SERPINB2: variants seen among roughly 807,000 people sequenced by gnomAD.
The protein encoded by SERPINB2 is plasminogen activator inhibitor 2.
SERPINB2 carries 28 observed loss-of-function variants against 39.4 expected under a neutral mutation model. The observed-to-expected ratio is 0.71, with a 90% confidence interval of 0.53 to 0.97. The LOEUF (loss-of-function observed/expected upper bound fraction) is 0.97. Among genes scored for constraint, SERPINB2 ranks in the 50% least tolerant of loss-of-function variants. The probability of loss-of-function intolerance (pLI) is 0.00; values close to 1 mark genes in which losing one functional copy is unlikely to be tolerated. For missense variants in SERPINB2, 557 were observed against 505.3 expected (o/e 1.10, Z -0.98); for synonymous variants, 209 against 175.1 (o/e 1.19, Z -1.53).
chr18:63,891,379 C>A, intron 1 of SERPINB2, 57 bp from the exon 2 acceptor site: 1 of 1,583,406 alleles, frequency 6.3e-7, no homozygotes, highest in Non-Finnish European at 8.6e-7. Context: ...GCTGACCTCA[C>A]CCAAAATGTT....
chr18:63,891,334 C>A, intron 1 of SERPINB2, 102 bp from the exon 2 acceptor site: 1 of 1,159,822 alleles, frequency 8.6e-7, no homozygotes, highest in Non-Finnish European at 1.2e-6. Flanking sequence ...GACAGGGAAT[C>A]TGTCCCTACA....
At chr18:63,891,722 T>A (rs2049927856) in intron 2 of SERPINB2, 110 bp downstream of exon 2, 4 of 1,070,422 alleles carry the variant, frequency 3.7e-6, no homozygotes, top group Non-Finnish European at 5.3e-6. Flanking sequence ...TCAGCAATCA[T>A]CACAGGTAAT....
intron 5 of SERPINB2, among the ~76,000 whole-genome samples, chr18:63,899,362 T>A (rs148797031): frequency 1.9e-3 from 295 of 152,326 alleles, no homozygotes; most frequent in Non-Finnish European, 3.2e-3. Context: ...GTCACACTTA[T>A]CCTATGCCCC....
At chr18:63,889,114 G>GTAAT (rs2049909531) in intron 1 of SERPINB2, among the ~76,000 whole-genome samples, 1 of 152,128 alleles carries the variant, frequency 6.6e-6, no homozygotes, top group South Asian at 2.1e-4. Context: ...GACCAGCTGT[G>GTAAT]CAATCTCTAT....
At position 63,903,785 on chromosome 18, in the gene SERPINB2, AAT is replaced by A. The variant is rs2050009910; in HGVS notation, c.*485_*486del. 6.6e-6 allele frequency: 1 copy of A among 152,250 alleles called. No homozygotes were observed. Among genetic ancestry groups the A allele is most frequent in the Non-Finnish European group, 1.5e-5 (1 of 68,082 alleles). 9.4% of individuals were successfully genotyped at this position (152,250 alleles called of 1,614,324 possible). Reference sequence around the variant, plus strand: ...TGGAAAAAACATTAAACAATAGGCAAATATATGTTATGTGCATTTCTAGAAAT... The same window carrying A: ...TGGAAAAAACATTAAACAATAGGCAAATATGTTATGTGCATTTCTAGAAAT... On this transcript the variant is annotated 3_prime_UTR_variant, in exon 8 of 8. Transcript: ENST00000299502.
chr18:63,895,531 C>A, intron 3 of SERPINB2, 148 bp downstream of exon 3: 1 of 1,045,586 alleles, frequency 9.6e-7, no homozygotes, highest in Non-Finnish European at 1.4e-6. Context: ...TTAAGAAAAA[C>A]ATGTCCTAAG....
In SERPINB2 at chr18:63,894,366, C is replaced by T. The variant is rs1016235790; in HGVS notation, c.169-898C>T. Among the ~76,000 whole-genome samples, 6 of 152,316 alleles carry T rather than the reference C, an allele frequency of 3.9e-5. No individual in the cohort carries two copies. The East Asian group carries it at 1.2e-3, about 29-fold the overall frequency. ...AGACCTCACAAACCCTAACACCTCTCCTTCTAGCCCAGAAATTCACCAACT... is the reference window on the plus strand; with the variant it reads ...AGACCTCACAAACCCTAACACCTCTTCTTCTAGCCCAGAAATTCACCAACT... On this transcript the variant is annotated intron_variant, in intron 2 of 7. Transcript: ENST00000299502.
chr18:63,895,461 T>G (rs73964520), intron 3 of SERPINB2, 78 bp downstream of exon 3: 2 of 1,577,508 alleles, frequency 1.3e-6, no homozygotes, highest in African/African-American at 2.7e-5. Flanking sequence ...AGTGTCAGAC[T>G]GGGAAGGAAG....
chr18:63,903,399 C>T lies in SERPINB2; in HGVS notation c.*94C>T, dbSNP rs2054222575. ...ATTGCCAAAAATTTAGAGATGTTTT[C>T]TACATATTTCTGCTCTTCTGAACAA... On this transcript the variant is annotated 3_prime_UTR_variant, in exon 8 of 8. Coordinates refer to ENST00000299502, the MANE Select transcript of SERPINB2 (RefSeq NM_002575.3). 2 of 1,257,676 alleles carry T rather than the reference C, an allele frequency of 1.6e-6. No homozygotes were observed. The highest frequency in any genetic ancestry group is 2.8e-5 in the Admixed American group (1 of 35,772). The allele number at this position is 1,257,676 out of a possible 1,614,324, so 77.9% of individuals were successfully genotyped here.
At chr18:63,890,896 A>G (rs1169497865) in intron 1 of SERPINB2, 1 of 152,778 alleles carries the variant, frequency 6.5e-6, no homozygotes, top group African/African-American at 2.4e-5. Context: ...ACCAGATGCA[A>G]CAAGGTATGT....
In SERPINB2 at chr18:63,891,717, A is replaced by C. The variant is rs563929789; in HGVS notation, c.168+105A>C. 6 of 1,126,252 alleles carry C rather than the reference A, an allele frequency of 5.3e-6. No homozygotes were observed. The South Asian group carries it at 8.0e-5, about 15-fold the overall frequency. The allele number at this position is 1,126,252 out of a possible 1,614,324, so 69.8% of individuals were successfully genotyped here. On this transcript the variant is annotated intron_variant, in intron 2 of 7. Transcript: ENST00000299502. ...AGACATTTTAACTCAGGAGGTCAGC[A>C]ATCATCACAGGTAATGAAGCACTGA...
intron 2 of SERPINB2, among the ~76,000 whole-genome samples, chr18:63,893,269 T>C (rs914229211): frequency 1.3e-5 from 2 of 152,174 alleles, no homozygotes; most frequent in Admixed American, 1.3e-4. Flanking sequence ...TCAGTAGCAA[T>C]ATATTTTGGG....
intron 1 of SERPINB2, among the ~76,000 whole-genome samples, chr18:63,888,829 T>C (rs2049908231): frequency 6.6e-6 from 1 of 152,206 alleles, no homozygotes. Flanking sequence ...TGAGATCATA[T>C]AAATTACTAT....
chr18:63,898,862 T>C (rs2049976349), intron 5 of SERPINB2, among the ~76,000 whole-genome samples: 2 of 151,990 alleles, frequency 1.3e-5, no homozygotes, highest in Non-Finnish European at 2.9e-5. Flanking sequence ...AGGAGAAGAA[T>C]AGAGTCTGGT....
chr18:63,900,363 C>A (rs2049984053), intron 5 of SERPINB2, among the ~76,000 whole-genome samples: 2 of 152,128 alleles, frequency 1.3e-5, no homozygotes, highest in South Asian at 2.1e-4. Flanking sequence ...GGCAGGCAAG[C>A]TCCAAAGTGG....
At chr18:63,899,774 G>A (rs1470367322) in intron 5 of SERPINB2, among the ~76,000 whole-genome samples, 2 of 152,070 alleles carry the variant, frequency 1.3e-5, no homozygotes, top group African/African-American at 4.8e-5. Context: ...TAACTCTTAT[G>A]TTTAAGACAT....
chr18:63,895,850 T>C (rs1195578465), intron 3 of SERPINB2, among the ~76,000 whole-genome samples: 1 of 152,226 alleles, frequency 6.6e-6, no homozygotes, highest in Admixed American at 6.5e-5. Flanking sequence ...CATTGATCTC[T>C]CTCATCTATC....
chr18:63,888,200 A>T (rs2049904768), intron 1 of SERPINB2, among the ~76,000 whole-genome samples: 1 of 152,252 alleles, frequency 6.6e-6, no homozygotes, highest in African/African-American at 2.4e-5. Context: ...AGAAGACTTC[A>T]TTTGCACCTT....
intron 2 of SERPINB2, among the ~76,000 whole-genome samples, 170 bp downstream of exon 2, chr18:63,891,782 C>T (rs2049928260): frequency 6.6e-6 from 1 of 152,210 alleles, no homozygotes; most frequent in Non-Finnish European, 1.5e-5. Flanking sequence ...ATCTATAAGA[C>T]AGCCAAGCCC....
Sources: gnomAD v4.1 joint callset for allele counts (sites outside exome capture counted in the v4.1 genomes callset) on GRCh38, gnomAD v4.1.1 for gene constraint, MANE v1.5 for transcripts, NCBI Gene and HGNC (gene_info 2026-07-23, HGNC 2026-07-21) for gene names.